The following COX15 variants were observed in gnomAD, a reference collection of about 807,000 sequenced individuals.
The protein encoded by COX15 is heme A synthase COX15.
Under a neutral mutation model 51.9 loss-of-function variants are expected in COX15, and 51 were observed. That is an observed-to-expected ratio of 0.98 (90% CI 0.78 to 1.24). The LOEUF is 1.24. COX15 is among the 50% of genes most tolerant of loss of function. COX15 has a pLI of 0.00. For missense variants in COX15, 420 were observed against 501.1 expected (o/e 0.84, Z 1.55); for synonymous variants, 188 against 190.5 (o/e 0.99, Z 0.11).
chr10:99,731,831 T>C (rs976427921), intron 1 of COX15, 129 bp downstream of exon 1: 1 of 1,209,144 alleles, frequency 8.3e-7, no homozygotes, highest in Admixed American at 2.0e-5. Flanking sequence ...GGCTCTGATC[T>C]GAACCTATGC....
chr10:99,704,489 A>G, the COX15 span: 24 of 1,614,056 alleles, frequency 1.5e-5, no homozygotes, highest in Non-Finnish European at 1.9e-5. Context: ...AGCCCATGGT[A>G]GCTGGTTCCG....
At chr10:99,710,042 C>A (rs1279244024), downstream of COX15, 5 of 985,268 alleles carry the variant, frequency 5.1e-6, no homozygotes, top group Admixed American at 6.2e-5. Context: ...CTATGTATAG[C>A]CACACATGCA....
the COX15 span, chr10:99,698,942 G>C: frequency 2.4e-6 from 3 of 1,262,938 alleles, no homozygotes; most frequent in Non-Finnish European, 3.3e-6. Flanking sequence ...CTGTGCAAAG[G>C]GCTTTGCATA....
chr10:99,716,840 G>T (rs1446203629), intron 7 of COX15, among the ~76,000 whole-genome samples: 1 of 151,802 alleles, frequency 6.6e-6, no homozygotes. Flanking sequence ...GCACATGAGG[G>T]TTATTATTTT....
At chr10:99,704,751 T>C in the COX15 span, 9 of 1,393,854 alleles carry the variant, frequency 6.5e-6, no homozygotes, top group Non-Finnish European at 8.9e-6. Context: ...TCCACTTTCT[T>C]ATATAGCCTC....
chr10:99,724,780 G>C (rs2036897523), intron 4 of COX15, among the ~76,000 whole-genome samples: 1 of 151,124 alleles, frequency 6.6e-6, no homozygotes, highest in African/African-American at 2.4e-5. Flanking sequence ...AAACTAGATT[G>C]AATGTTTTGG....
chr10:99,724,552 C>T (rs1306314471), intron 4 of COX15, among the ~76,000 whole-genome samples: 2 of 152,030 alleles, frequency 1.3e-5, no homozygotes, highest in African/African-American at 2.4e-5. Context: ...CTTTCCATAC[C>T]CTCCCCAATA....
chr10:99,724,291 T>G (rs1336421605), intron 4 of COX15, among the ~76,000 whole-genome samples, 168 bp from the exon 5 acceptor site: 4 of 152,144 alleles, frequency 2.6e-5, no homozygotes, highest in Non-Finnish European at 5.9e-5. Context: ...CAAGTGATTC[T>G]CCTGCCTCAG....
the COX15 span, chr10:99,701,054 CTCAAGT>C: frequency 1.1e-5 from 17 of 1,613,644 alleles, no homozygotes; most frequent in Non-Finnish European, 1.4e-5. Context: ...TGAGCATCGA[CTCAAGT>C]AAGTTACTTC....
the COX15 span, among the ~76,000 whole-genome samples, chr10:99,704,279 C>T: frequency 6.6e-6 from 1 of 152,116 alleles, no homozygotes; most frequent in Admixed American, 6.5e-5. Flanking sequence ...CACAGAAGGG[C>T]TCCTGGGGCG....
At chr10:99,723,401 C>T (rs1262102122) in intron 5 of COX15, among the ~76,000 whole-genome samples, 1 of 152,076 alleles carries the variant, frequency 6.6e-6, no homozygotes, top group Non-Finnish European at 1.5e-5. Context: ...CTCTGCCTCC[C>T]AAAGTGCTGG....
chr10:99,718,886 A>G (rs189597591), intron 6 of COX15, among the ~76,000 whole-genome samples: 4 of 152,092 alleles, frequency 2.6e-5, no homozygotes, highest in Non-Finnish European at 4.4e-5. Flanking sequence ...TGCATGACTG[A>G]CTCCCTTATT....
chr10:99,705,892 C>G (rs2036240539), downstream of COX15: 1 of 152,152 alleles, frequency 6.6e-6, no homozygotes, highest in African/African-American at 2.4e-5. Context: ...CACCCACTAC[C>G]CTTCCAGAGC....
In COX15 at chr10:99,714,249, A is replaced by C; in HGVS notation, c.*338T>G. ...GGCAGAATTAAGGACTCAGGAGAAC[A>C]TCCACGTAGAAATCATCCACGTAGA... On this transcript the variant is annotated 3_prime_UTR_variant, in exon 9 of 9. Transcript: ENST00000016171. The C allele has an allele frequency of 8.6e-7, 1 of 1,160,732 alleles. No individual in the cohort carries two copies. The highest frequency in any genetic ancestry group is 1.1e-6 in the Non-Finnish European group (1 of 930,288). The allele number at this position is 1,160,732 out of a possible 1,614,324, so 71.9% of individuals were successfully genotyped here.
At chr10:99,723,489 G>A (rs1171894007) in intron 5 of COX15, among the ~76,000 whole-genome samples, 1 of 152,110 alleles carries the variant, frequency 6.6e-6, no homozygotes, top group Non-Finnish European at 1.5e-5. Context: ...TCCTATAAGG[G>A]TGTGGTGTCT....
intron 2 of COX15, among the ~76,000 whole-genome samples, 161 bp downstream of exon 2, chr10:99,729,392 G>A (rs1473227659): frequency 1.3e-5 from 2 of 149,922 alleles, no homozygotes; most frequent in South Asian, 2.1e-4. Context: ...CTCAGGAGAC[G>A]GAGGTTGCAG....
chr10:99,711,668 A>G lies in COX15; in HGVS notation c.*2919T>C. 1.0e-6 allele frequency: 1 copy of G among 985,410 alleles called. No homozygotes were observed. Among genetic ancestry groups the G allele is most frequent in the Non-Finnish European group, 1.2e-6 (1 of 829,922 alleles). The allele number at this position is 985,410 out of a possible 1,614,324, so 61.0% of individuals were successfully genotyped here. ...GGGATTGTGACTTAATTGGTCTTAGATGAGGCTTGGGCTTTGGGATTTTTC... is the reference window on the plus strand; with the variant it reads ...GGGATTGTGACTTAATTGGTCTTAGGTGAGGCTTGGGCTTTGGGATTTTTC... On this transcript the variant is annotated 3_prime_UTR_variant, in exon 9 of 9. Transcript: ENST00000016171.
rs1310426859 is a variant in COX15, at chr10:99,729,635, C to A, written c.190G>T (p.Ala64Ser). Residue 64 changes from alanine to serine, a missense_variant, in exon 2 of 9, where the codon GCT becomes TCT. By Grantham distance (99) the Ala-to-Ser change is moderately conservative (BLOSUM62 1). Coordinates refer to ENST00000016171, the MANE Select transcript of COX15 (RefSeq NM_078470.6). The stretch of plus-strand genomic sequence containing the variant: ...CATCGGCCCACCACCCGCTCAGCAG[C>A]CTTTGAGGGAAGGGACACTGTACCC... ...GRGTVSLPSK[A>S]AERVVGRWLL... is the part of the protein sequence containing the mutation. The A allele has an allele frequency of 1.2e-6, 2 of 1,614,092 alleles. No homozygotes were observed. Among genetic ancestry groups the A allele is most frequent in the Admixed American group, 3.3e-5 (2 of 60,016 alleles).
At chr10:99,728,933 T>C (rs1189730084) in intron 2 of COX15, among the ~76,000 whole-genome samples, 1 of 152,200 alleles carries the variant, frequency 6.6e-6, no homozygotes, top group East Asian at 1.9e-4. Context: ...TTGGGTTTAA[T>C]TCAAACAAAC....
Sources: gnomAD v4.1 joint callset for allele counts (sites outside exome capture counted in the v4.1 genomes callset) on GRCh38, gnomAD v4.1.1 for gene constraint, MANE v1.5 for transcripts, NCBI Gene and HGNC (gene_info 2026-07-23, HGNC 2026-07-21) for gene names.